The following ANKRD12 variants were observed in gnomAD, a reference collection of about 807,000 sequenced individuals.
The protein encoded by ANKRD12 is ankyrin repeat domain 12.
Under a neutral mutation model 183.4 loss-of-function variants are expected in ANKRD12, and 85 were observed. That is an observed-to-expected ratio of 0.46 (90% CI 0.39 to 0.56). ANKRD12 has a LOEUF of 0.56. Among genes scored for constraint, ANKRD12 ranks in the 20% least tolerant of loss-of-function variants. The pLI, the probability that ANKRD12 is intolerant of heterozygous loss-of-function variation, is 0.00. For missense variants in ANKRD12, 2,405 were observed against 2,357.1 expected (o/e 1.02, Z -0.42); for synonymous variants, 914 against 800.2 (o/e 1.14, Z -2.40).
At position 9,191,578 on chromosome 18, in the gene ANKRD12, A is replaced by G. The variant is rs141164798; in HGVS notation, c.88-3973A>G. 6.8e-3 allele frequency among the ~76,000 whole-genome samples: 1,031 copies of G among 151,950 alleles called. 7 individuals carry two copies. The highest frequency in any genetic ancestry group is 0.017 in the Middle Eastern group (5 of 294). ...ATTCTTAAATCTTTTATTCGTAACA[A>G]TGATTCATTTTCTGAGGCAAGTTAC... is the stretch of plus-strand genomic sequence containing the variant. On this transcript the variant is annotated intron_variant, in intron 2 of 12. Transcript: ENST00000262126.
At chr18:9,168,935 G>T (rs924471831) in intron 1 of ANKRD12, among the ~76,000 whole-genome samples, 7 of 152,060 alleles carry the variant, frequency 4.6e-5, no homozygotes, top group Non-Finnish European at 7.4e-5. Context: ...GTTCTCGTTG[G>T]TTTCAAAGAA....
intron 10 of ANKRD12, among the ~76,000 whole-genome samples, chr18:9,274,985 C>A (rs2039762837): frequency 1.3e-5 from 2 of 151,982 alleles, no homozygotes. Flanking sequence ...GAGATGGTGA[C>A]CAGCCTGGGC....
chr18:9,265,504 CCA>C (rs774935365), intron 10 of ANKRD12, among the ~76,000 whole-genome samples: 2 of 152,106 alleles, frequency 1.3e-5, no homozygotes, highest in Non-Finnish European at 2.9e-5. Flanking sequence ...CTGCTGTTAC[CCA>C]CACAAACGGT....
rs552519909 is a variant in ANKRD12 at position 9,257,061 on chromosome 18, G to A, written c.3794G>A (p.Ser1265Asn). 526 of 1,614,136 alleles carry A rather than the reference G, an allele frequency of 3.3e-4. 6 individuals carry two copies. In the South Asian group the frequency reaches 5.1e-3, roughly 16 times the overall value. ...GCTCTTCATGAAAGGGAATTGGACA[G>A]CCTGGCTGACTTGCCGGAGCGGATT... ...SPALHERELDSLADLPERIKP... is the reference protein window; with the variant it reads ...SPALHERELDNLADLPERIKP... Residue 1265 changes from serine to asparagine, a missense_variant, in exon 9 of 13, where the codon AGC becomes AAC. Ser to Asn is a conservative substitution (Grantham distance 46). This residue lies in a region of ANKRD12 where 1,983 missense variants were observed against 1,725.9 expected (regional missense o/e 1.15). Transcript: ENST00000262126.
intron 8 of ANKRD12, among the ~76,000 whole-genome samples, chr18:9,253,080 A>G (rs755975480): frequency 5.3e-5 from 8 of 152,198 alleles, no homozygotes; most frequent in Admixed American, 1.3e-4. Context: ...ATGTTTAACA[A>G]TTATGGATAC....
chr18:9,253,094 A>G (rs891172244), intron 8 of ANKRD12, among the ~76,000 whole-genome samples: 1 of 152,276 alleles, frequency 6.6e-6, no homozygotes, highest in African/African-American at 2.4e-5. Flanking sequence ...TGGATACATA[A>G]TAGTTGTACA....
intron 1 of ANKRD12, among the ~76,000 whole-genome samples, chr18:9,165,386 T>C (rs960857803): frequency 1.3e-5 from 2 of 152,172 alleles, no homozygotes; most frequent in African/African-American, 4.8e-5. Context: ...TTAGCTGTGT[T>C]TGAGTGTACA....
chr18:9,203,681 C>G (rs764087055), intron 3 of ANKRD12, among the ~76,000 whole-genome samples: 1 of 151,958 alleles, frequency 6.6e-6, no homozygotes, highest in Admixed American at 6.6e-5. Flanking sequence ...CTCAGCTTAC[C>G]GCAACCCCGG....
intron 2 of ANKRD12, among the ~76,000 whole-genome samples, chr18:9,184,194 G>T (rs895374502): frequency 1.3e-5 from 2 of 152,082 alleles, no homozygotes; most frequent in Non-Finnish European, 2.9e-5. Context: ...ATCTTTTAAA[G>T]AAATAAGAGA....
In ANKRD12 at chr18:9,258,179, G is replaced by C. The variant is rs2038753908; in HGVS notation, c.4912G>C (p.Glu1638Gln). ...TTCACATGAAAAAGAAAACAAACTG[G>C]AGAGTTTGGTTTTAACTCATTTGAG... is the stretch of plus-strand genomic sequence containing the variant. ...VISHEKENKLESLVLTHLSRC... is the reference protein window; with the variant it reads ...VISHEKENKLQSLVLTHLSRC... Residue 1638 changes from glutamate (E) to glutamine (Q), a missense_variant, in exon 9 of 13, where the codon GAG becomes CAG. Transcript: ENST00000262126. 6.2e-7 allele frequency: 1 copy of C among 1,613,718 alleles called. No individual in the cohort carries two copies. The highest frequency in any genetic ancestry group is 1.3e-5 in the African/African-American group (1 of 74,900).
chr18:9,180,517 T>C (rs2033626021), intron 1 of ANKRD12, among the ~76,000 whole-genome samples: 1 of 152,238 alleles, frequency 6.6e-6, no homozygotes, highest in African/African-American at 2.4e-5. Context: ...CAATTTTTCT[T>C]TTCCTGCCTT....
intron 10 of ANKRD12, among the ~76,000 whole-genome samples, chr18:9,264,462 T>C (rs182286952): frequency 9.8e-5 from 15 of 152,318 alleles, no homozygotes; most frequent in Admixed American, 7.2e-4. Flanking sequence ...CACAGAAATA[T>C]ATACATACTC....
rs146455845 is a variant in ANKRD12 at position 9,255,577 on chromosome 18, A to G, written c.2310A>G (p.Leu770=). Residue 770 remains leucine, a synonymous_variant, in exon 9 of 13, where the codon CTA becomes CTG. Coordinates refer to ENST00000262126, the MANE Select transcript of ANKRD12 (RefSeq NM_015208.5). ...KSFREEKIKD[L]KEERENIPTD... is the part of the protein sequence containing the mutation. ...TTAGGGAGGAAAAAATAAAAGATCT[A>G]AAAGAAGAGAGAGAAAACATACCCA... The G allele has an allele frequency of 1.0e-4, 159 of 1,569,232 alleles. 1 individual carries two copies. In the African/African-American group the frequency reaches 2.0e-3, roughly 20 times the overall value.
intron 8 of ANKRD12, among the ~76,000 whole-genome samples, chr18:9,253,112 TG>T (rs1178788828): frequency 6.6e-6 from 1 of 152,190 alleles, no homozygotes; most frequent in Admixed American, 6.5e-5. Context: ...ACATAATTTG[TG>T]GGGTACATGT....
At chr18:9,192,235 C>T (rs960176693) in intron 2 of ANKRD12, among the ~76,000 whole-genome samples, 10 of 152,098 alleles carry the variant, frequency 6.6e-5, no homozygotes, top group Non-Finnish European at 1.3e-4. Context: ...AAAAATAGCT[C>T]GAGGATGTTA....
chr18:9,219,822 T>C (rs532439838), intron 7 of ANKRD12, among the ~76,000 whole-genome samples: 16 of 151,782 alleles, frequency 1.1e-4, no homozygotes, highest in South Asian at 6.2e-4. Context: ...TCTTAAGATA[T>C]GGAAACGACT....
At chr18:9,215,934 G>A (rs2036075594) in intron 6 of ANKRD12, among the ~76,000 whole-genome samples, 1 of 151,930 alleles carries the variant, frequency 6.6e-6, no homozygotes, top group Non-Finnish European at 1.5e-5. Context: ...ACAGTTTCAA[G>A]TGATGAGGAA....
chr18:9,160,135 G>A (rs1411619549), intron 1 of ANKRD12, among the ~76,000 whole-genome samples: 1 of 152,224 alleles, frequency 6.6e-6, no homozygotes, highest in East Asian at 2.0e-4. Flanking sequence ...GCTGGGTGTG[G>A]TGGCATGGGT....
chr18:9,268,322 A>T (rs2039415862), intron 10 of ANKRD12, among the ~76,000 whole-genome samples: 1 of 152,216 alleles, frequency 6.6e-6, no homozygotes, highest in Admixed American at 6.5e-5. Flanking sequence ...CAACAAAAAA[A>T]GAGAATTTTA....
Sources: gnomAD v4.1 joint callset for allele counts (sites outside exome capture counted in the v4.1 genomes callset) on GRCh38, gnomAD v4.1.1 for gene constraint, gnomAD v4.1.1 regional missense constraint, MANE v1.5 for transcripts, NCBI Gene and HGNC (gene_info 2026-07-23, HGNC 2026-07-21) for gene names.